The following METTL15 variants were observed in gnomAD, a reference collection of about 807,000 sequenced individuals.
METTL15 encodes methyltransferase 15, mitochondrial 12S rRNA N4-cytidine.
METTL15 carries 34 observed loss-of-function variants against 38.3 expected under a neutral mutation model. The ratio of observed to expected loss-of-function variants is 0.89; its 90% CI spans 0.68 to 1.18. The LOEUF is 1.18. Ranked by LOEUF, METTL15 falls within the 50% of genes most tolerant of loss-of-function variation. The probability of loss-of-function intolerance (pLI) is 0.00; values close to 1 mark genes in which losing one functional copy is unlikely to be tolerated. For synonymous variants in METTL15, 162 were observed against 170.9 expected (o/e 0.95, Z 0.41); for missense variants, 438 against 498.4 (o/e 0.88, Z 1.15).
chr11:28,515,704 A>G (rs938065329), intron 6 of METTL15, among the ~76,000 whole-genome samples: 1 of 152,242 alleles, frequency 6.6e-6, no homozygotes, highest in Non-Finnish European at 1.5e-5. Context: ...AAGTTTGTCA[A>G]TGCTTGCTAT....
At chr11:28,145,883 A>G (rs1849865918) in intron 3 of METTL15, 1 of 152,014 alleles carries the variant, frequency 6.6e-6, no homozygotes, top group African/African-American at 2.4e-5. Flanking sequence ...TGAAAATGTA[A>G]GCAAGTTTCT....
chr11:28,408,875 T>A lies in METTL15; in HGVS notation c.*359-15424T>A, dbSNP rs1850699694. On this transcript the variant is annotated intron_variant and NMD_transcript_variant, in intron 5 of 7. Coordinates refer to the METTL15 transcript ENST00000532947. ...GTTTTTCCTTTATATTTTTAAGTATTTTTAAAGAAAAGTTTACCACACCCT... is the reference window on the plus strand; with the variant it reads ...GTTTTTCCTTTATATTTTTAAGTATATTTAAAGAAAAGTTTACCACACCCT... 3.3e-5 allele frequency among the ~76,000 whole-genome samples: 5 copies of A among 152,310 alleles called. No individual in the cohort carries two copies. The South Asian group carries it at 1.0e-3, about 32-fold the overall frequency.
At chr11:28,524,926 G>A (rs1438014151) in intron 6 of METTL15, among the ~76,000 whole-genome samples, 6 of 152,222 alleles carry the variant, frequency 3.9e-5, no homozygotes, top group South Asian at 2.1e-4. Context: ...TCTGATGTTC[G>A]GATGTGTTTG....
chr11:28,416,588 TGA>T (rs1441774841), intron 5 of METTL15, among the ~76,000 whole-genome samples: 1 of 152,172 alleles, frequency 6.6e-6, no homozygotes, highest in Non-Finnish European at 1.5e-5. Flanking sequence ...CAGGTATAGG[TGA>T]ATTGCCCATT....
In METTL15 at chr11:28,224,295, G is replaced by C. The variant is rs552764048; in HGVS notation, c.407+13097G>C. 1.2e-3 allele frequency among the ~76,000 whole-genome samples: 188 copies of C among 151,714 alleles called. 1 individual carries two copies. Among genetic ancestry groups the C allele is most frequent in the African/African-American group, 4.3e-3 (180 of 41,446 alleles). Reference sequence around the variant, plus strand: ...ATGGCAAAGTTTAAAATCCATTTTGGTTAATTGTATTAAATGCATAACTGC... The same window carrying C: ...ATGGCAAAGTTTAAAATCCATTTTGCTTAATTGTATTAAATGCATAACTGC... On this transcript the variant is annotated intron_variant, in intron 4 of 6. Transcript: ENST00000407364.
chr11:28,211,237 T>C (rs1177506457), intron 4 of METTL15, 39 bp downstream of exon 4: 4 of 1,580,294 alleles, frequency 2.5e-6, no homozygotes, highest in Non-Finnish European at 3.4e-6. Context: ...ATTTTGGTTC[T>C]TAGTTTTACA....
At position 28,425,650 on chromosome 11, in the gene METTL15, C is replaced by T. The variant is rs926678332; in HGVS notation, c.*424+1286C>T. ...CCGTACTAAGTGCTCTCATAGCACC[C>T]GCTAGCCTCCTATCAGAGCGTTGTA... On this transcript the variant is annotated intron_variant and NMD_transcript_variant, in intron 6 of 7. Coordinates refer to the METTL15 transcript ENST00000532947. Among the ~76,000 whole-genome samples, 5 of 152,232 alleles carry T rather than the reference C, an allele frequency of 3.3e-5. No individual in the cohort carries two copies. In the South Asian group the frequency reaches 1.0e-3, roughly 32 times the overall value.
chr11:28,287,719 TC>T (rs928679622), intron 4 of METTL15: 3 of 152,714 alleles, frequency 2.0e-5, no homozygotes, highest in Non-Finnish European at 2.9e-5. Flanking sequence ...CAAGTTTCTC[TC>T]CCCACTGTAT....
intron 4 of METTL15, among the ~76,000 whole-genome samples, chr11:28,267,582 T>C (rs980597696): frequency 1.3e-5 from 2 of 152,246 alleles, no homozygotes; most frequent in African/African-American, 4.8e-5. Context: ...ATCAGCTCCA[T>C]GAGGGTAGAA....
intron 4 of METTL15, among the ~76,000 whole-genome samples, chr11:28,289,180 G>A (rs1043197010): frequency 1.2e-4 from 19 of 152,010 alleles, no homozygotes; most frequent in African/African-American, 4.3e-4. Context: ...AGATTATTTT[G>A]TAAACTGTTT....
intron 3 of METTL15, among the ~76,000 whole-genome samples, chr11:28,179,234 C>G (rs529091567): frequency 6.6e-6 from 1 of 151,700 alleles, no homozygotes; most frequent in South Asian, 2.1e-4. Flanking sequence ...ATGTTTTTCC[C>G]CCTATTTGTA....
intron 5 of METTL15, among the ~76,000 whole-genome samples, chr11:28,294,155 C>T (rs1403081260): frequency 6.6e-6 from 1 of 152,142 alleles, no homozygotes; most frequent in Non-Finnish European, 1.5e-5. Context: ...GGAATGCTTC[C>T]AGGTTTGCCC....
Position 28,123,117 on chromosome 11 carries a change from G to A in METTL15, c.270+9513G>A, listed in dbSNP as rs186609444. 1.7e-3 allele frequency among the ~76,000 whole-genome samples: 259 copies of A among 152,204 alleles called. 1 individual carries two copies. Among genetic ancestry groups the A allele is most frequent in the Middle Eastern group, 0.01 (3 of 294 alleles). On this transcript the variant is annotated intron_variant, in intron 3 of 6. Transcript: ENST00000407364. ...GACCCAGGCAGAAAACAGGTTCATT[G>A]TATATGAGAAGCTCATAGAAAGAAA...
At chr11:28,452,597 G>GA (rs1564935355) in intron 6 of METTL15, among the ~76,000 whole-genome samples, 2 of 151,860 alleles carry the variant, frequency 1.3e-5, no homozygotes, top group African/African-American at 2.4e-5. Flanking sequence ...ACTTTAGAAA[G>GA]AAAAAAAATC....
At chr11:28,374,835 G>C (rs1318879206) in intron 5 of METTL15, among the ~76,000 whole-genome samples, 3 of 150,258 alleles carry the variant, frequency 2.0e-5, no homozygotes, top group African/African-American at 7.3e-5. Flanking sequence ...TTTGAAATAC[G>C]TCCCATCAAT....
intron 4 of METTL15, among the ~76,000 whole-genome samples, chr11:28,238,596 A>T (rs1292916641): frequency 6.6e-6 from 1 of 152,218 alleles, no homozygotes; most frequent in Admixed American, 6.5e-5. Context: ...TGGCTGGCAC[A>T]GGGTGCGCTG....
chr11:28,294,453 A>T (rs1856651944), intron 5 of METTL15, among the ~76,000 whole-genome samples: 1 of 152,162 alleles, frequency 6.6e-6, no homozygotes, highest in South Asian at 2.1e-4. Context: ...AAGTCTTAAA[A>T]CATAGTTTAT....
At chr11:28,488,670 A>G (rs911829750) in intron 6 of METTL15, among the ~76,000 whole-genome samples, 2 of 152,168 alleles carry the variant, frequency 1.3e-5, no homozygotes, top group African/African-American at 2.4e-5. Flanking sequence ...GTGTTATGAC[A>G]TAACTGTAAT....
chr11:28,311,955 A>G (rs1857319574), intron 6 of METTL15, among the ~76,000 whole-genome samples: 2 of 152,242 alleles, frequency 1.3e-5, no homozygotes, highest in South Asian at 2.1e-4. Context: ...TATCAGTGGC[A>G]GTCAAGGGAC....
Sources: allele counts gnomAD v4.1 joint callset (sites outside exome capture counted in the v4.1 genomes callset), GRCh38; gene constraint gnomAD v4.1.1; transcripts MANE v1.5; gene names NCBI Gene and HGNC (gene_info 2026-07-23, HGNC 2026-07-21).